The following MAL variants were observed in gnomAD, a reference collection of about 807,000 sequenced individuals.
MAL encodes mal, T cell differentiation protein (MAL blood group).
In MAL, 5 loss-of-function variants were observed where a neutral mutation model predicts 16.7. That is an observed-to-expected ratio of 0.30 (90% confidence interval 0.16 to 0.63). The LOEUF (loss-of-function observed/expected upper bound fraction) is 0.63. MAL is among the 30% of genes least tolerant of loss of function. MAL has a pLI of 0.82. For synonymous variants in MAL, 96 were observed against 85.5 expected, an observed-to-expected ratio of 1.12 and a Z score of -0.67; for missense variants, 202 against 195.8, an observed-to-expected ratio of 1.03 and a Z score of -0.19.
chr2:95,036,579 T>C (rs1674211931), intron 1 of MAL, among the ~76,000 whole-genome samples: 1 of 152,262 alleles, frequency 6.6e-6, no homozygotes, highest in Admixed American at 6.5e-5. Flanking sequence ...GTGTTGACCA[T>C]GCCACTGTCA....
chr2:95,030,912 G>C lies in MAL; in HGVS notation c.93+5027G>C, dbSNP rs190651545. Among the ~76,000 whole-genome samples the C allele has an allele frequency of 4.0e-3, 616 of 152,360 alleles. 3 individuals are homozygous for C. The highest frequency in any genetic ancestry group is 6.0e-3 in the Non-Finnish European group (409 of 68,032). ...ACTGGACTGTTATTAAGAGTGACCA[G>C]AGAGGTCTGGGGACTTCTGCTAGAT... On this transcript the variant is annotated intron_variant, in intron 1 of 3. Coordinates refer to ENST00000309988, the MANE Select transcript of MAL (RefSeq NM_002371.4).
At chr2:95,037,263 G>GCA in intron 1 of MAL, among the ~76,000 whole-genome samples, 1 of 151,090 alleles carries the variant, frequency 6.6e-6, no homozygotes, top group East Asian at 2.0e-4. Flanking sequence ...ATGAGTGACT[G>GCA]AGTGGGTGAG....
chr2:95,034,867 C>T (rs1674169236), intron 1 of MAL, among the ~76,000 whole-genome samples: 1 of 152,190 alleles, frequency 6.6e-6, no homozygotes, highest in African/African-American at 2.4e-5. Context: ...CCTTTCCTGG[C>T]ACTCAGAGCA....
chr2:95,043,599 G>A (rs1674520041), intron 1 of MAL, among the ~76,000 whole-genome samples: 1 of 152,224 alleles, frequency 6.6e-6, no homozygotes, highest in South Asian at 2.1e-4. Flanking sequence ...GAAGACCGCG[G>A]CAAAGGCCTG....
intron 1 of MAL, among the ~76,000 whole-genome samples, chr2:95,030,711 C>T (rs1674057795): frequency 6.6e-6 from 1 of 152,238 alleles, no homozygotes; most frequent in Non-Finnish European, 1.5e-5. Flanking sequence ...TGCCGCCCAG[C>T]CCTCCAGGGG....
intron 1 of MAL, among the ~76,000 whole-genome samples, chr2:95,030,628 G>C (rs539295144): frequency 1.5e-4 from 23 of 152,354 alleles, no homozygotes; most frequent in African/African-American, 5.5e-4. Context: ...GAAGAGGGTT[G>C]TGAGATCATC....
intron 1 of MAL, among the ~76,000 whole-genome samples, chr2:95,046,894 G>A (rs537878140): frequency 6.9e-5 from 10 of 144,978 alleles, no homozygotes; most frequent in Non-Finnish European, 1.5e-5. Context: ...AGAGAGAAAA[G>A]AAAGAGAGAG....
At chr2:95,032,244 G>A (rs1041903168) in intron 1 of MAL, among the ~76,000 whole-genome samples, 14 of 152,376 alleles carry the variant, frequency 9.2e-5, no homozygotes, top group African/African-American at 2.6e-4. Flanking sequence ...CAGGCGAGGG[G>A]CAGAGCATAT....
chr2:95,051,649 A>G (rs1674724131), intron 3 of MAL: 1 of 152,066 alleles, frequency 6.6e-6, no homozygotes, highest in Non-Finnish European at 1.5e-5. Flanking sequence ...ACCAACATCT[A>G]TTTATCCATC....
intron 1 of MAL, among the ~76,000 whole-genome samples, chr2:95,038,228 C>CTCAGTGAG (rs1674302400): frequency 2.3e-5 from 1 of 43,936 alleles, no homozygotes; most frequent in Non-Finnish European, 4.0e-5. Flanking sequence ...GAGTGAGTGA[C>CTCAGTGAG]TGAGTGACTG....
At position 95,053,406 on chromosome 2, in the gene MAL, T is replaced by C; in HGVS notation, c.413T>C (p.Leu138Pro). Reference protein sequence around the residue: ...AVVFSYIATLLYVVHAVFSLI... With the variant: ...AVVFSYIATLPYVVHAVFSLI... ...GTGTTCTCCTACATAGCCACTCTGC[T>C]CTACGTGGTCCATGCGGTGTTCTCT... Residue 138 changes from leucine (L) to proline (P), a missense_variant, in exon 4 of 4, where the codon CTC becomes CCC. By Grantham distance (98) the Leu-to-Pro change is moderately conservative. Transcript: ENST00000309988. 1 of 1,613,586 alleles carries C rather than the reference T, an allele frequency of 6.2e-7. No individual in the cohort carries two copies. Among genetic ancestry groups the C allele is most frequent in the Non-Finnish European group, 8.5e-7 (1 of 1,179,618 alleles).
At chr2:95,046,327 C>T (rs1484723663) in intron 1 of MAL, among the ~76,000 whole-genome samples, 1 of 152,054 alleles carries the variant, frequency 6.6e-6, no homozygotes, top group Non-Finnish European at 1.5e-5. Flanking sequence ...AAGGAATCTC[C>T]ACATAGGCCT....
At chr2:95,028,715 G>T (rs1313262335) in intron 1 of MAL, among the ~76,000 whole-genome samples, 3 of 152,190 alleles carry the variant, frequency 2.0e-5, no homozygotes, top group African/African-American at 7.2e-5. Context: ...GATACTACCT[G>T]ACCATAGAAA....
chr2:95,050,015 A>G (rs537680553), intron 3 of MAL, among the ~76,000 whole-genome samples: 2 of 152,298 alleles, frequency 1.3e-5, no homozygotes, highest in Admixed American at 1.3e-4. Context: ...AATCTTATTT[A>G]ACATCCATGG....
chr2:95,046,522 C>T (rs894886838), intron 1 of MAL, among the ~76,000 whole-genome samples: 8 of 152,302 alleles, frequency 5.3e-5, no homozygotes, highest in South Asian at 2.1e-4. Context: ...TACCCATCCG[C>T]GGTGGGGAGC....
intron 1 of MAL, among the ~76,000 whole-genome samples, chr2:95,034,436 T>C (rs1674158276): frequency 6.6e-6 from 1 of 152,196 alleles, no homozygotes; most frequent in Admixed American, 6.5e-5. Context: ...CAGAGCTTTG[T>C]GGATTCTGAG....
At chr2:95,047,392 G>A (rs1414441636) in intron 1 of MAL, among the ~76,000 whole-genome samples, 1 of 152,156 alleles carries the variant, frequency 6.6e-6, no homozygotes, top group African/African-American at 2.4e-5. Context: ...TCTGATATAA[G>A]TGTTTGTTAA....
chr2:95,038,237 TG>T (rs1268146992), intron 1 of MAL, among the ~76,000 whole-genome samples: 6 of 11,542 alleles, frequency 5.2e-4, no homozygotes, highest in African/African-American at 1.4e-3. Flanking sequence ...ACTGAGTGAC[TG>T]AGTGTGTGAG....
intron 1 of MAL, among the ~76,000 whole-genome samples, chr2:95,046,989 A>AGAAG (rs1674605739): frequency 6.6e-6 from 1 of 151,460 alleles, no homozygotes; most frequent in African/African-American, 2.4e-5. Flanking sequence ...AGAAAGAAAA[A>AGAAG]GAAGGAAGGA....
Sources: allele counts gnomAD v4.1 joint callset (sites outside exome capture counted in the v4.1 genomes callset), GRCh38; gene constraint gnomAD v4.1.1; transcripts MANE v1.5; gene names NCBI Gene and HGNC (gene_info 2026-07-23, HGNC 2026-07-21).